The following TBL1XR1 variants were observed in gnomAD, a reference collection of about 807,000 sequenced individuals.
The protein encoded by TBL1XR1 is TBL1X/Y related 1, also known as F-box-like/WD repeat-containing protein TBL1XR1.
TBL1XR1 carries 5 observed loss-of-function variants against 66.9 expected under a neutral mutation model. That is an observed-to-expected ratio of 0.07 (90% CI 0.04 to 0.16). TBL1XR1 has a LOEUF of 0.16. Among genes scored for constraint, TBL1XR1 ranks in the 10% least tolerant of loss-of-function variants. The probability of loss-of-function intolerance (pLI) is 1.00; values close to 1 mark genes in which losing one functional copy is unlikely to be tolerated. For synonymous variants in TBL1XR1, 210 were observed against 206.0 expected (o/e 1.02, Z -0.17); for missense variants, 238 against 623.2 (o/e 0.38, Z 6.58).
At chr3:177,120,065 A>T (rs1023912541) in intron 1 of TBL1XR1, among the ~76,000 whole-genome samples, 1 of 152,208 alleles carries the variant, frequency 6.6e-6, no homozygotes. Flanking sequence ...CATCATCTCT[A>T]AACAGCAAAC....
intron 2 of TBL1XR1, among the ~76,000 whole-genome samples, chr3:177,069,444 A>G (rs1477614444): frequency 2.0e-5 from 3 of 152,096 alleles, no homozygotes; most frequent in African/African-American, 7.2e-5. Flanking sequence ...TAAAAAAAAC[A>G]GTACACCAGC....
chr3:177,148,454 G>A (rs1730499398), intron 1 of TBL1XR1, among the ~76,000 whole-genome samples: 1 of 152,168 alleles, frequency 6.6e-6, no homozygotes, highest in Non-Finnish European at 1.5e-5. Context: ...AGTGGCTCAC[G>A]CCTGTAATGC....
chr3:177,043,748 G>C (rs1162477675), intron 10 of TBL1XR1, among the ~76,000 whole-genome samples: 1 of 151,876 alleles, frequency 6.6e-6, no homozygotes, highest in Non-Finnish European at 1.5e-5. Flanking sequence ...TATCTCTTCT[G>C]TTCTTTCCCC....
At chr3:177,176,936 C>G (rs368092556) in intron 1 of TBL1XR1, among the ~76,000 whole-genome samples, 37 of 152,240 alleles carry the variant, frequency 2.4e-4, no homozygotes, top group African/African-American at 8.7e-4. Context: ...GCAGTGATCG[C>G]ACCACTTTAC....
At chr3:177,128,743 G>C (rs371602066) in intron 1 of TBL1XR1, among the ~76,000 whole-genome samples, 1 of 152,106 alleles carries the variant, frequency 6.6e-6, no homozygotes, top group African/African-American at 2.4e-5. Context: ...AAATTTCTTG[G>C]GGCATTTTCA....
At chr3:177,031,952 T>A (rs1192718521) in intron 14 of TBL1XR1, among the ~76,000 whole-genome samples, 1 of 151,860 alleles carries the variant, frequency 6.6e-6, no homozygotes, top group East Asian at 1.9e-4. Context: ...GGAAAAAACA[T>A]GATCAAACAG....
At chr3:177,098,168 C>T (rs1216658932) in intron 2 of TBL1XR1, among the ~76,000 whole-genome samples, 3 of 151,746 alleles carry the variant, frequency 2.0e-5, no homozygotes, top group African/African-American at 4.8e-5. Context: ...GCGGAGATCA[C>T]GCCATTGCAC....
At chr3:177,155,470 G>A (rs953559391) in intron 1 of TBL1XR1, among the ~76,000 whole-genome samples, 2 of 152,108 alleles carry the variant, frequency 1.3e-5, no homozygotes, top group African/African-American at 2.4e-5. Context: ...TTTGATCTAT[G>A]TTGTTCTGTA....
Position 177,034,520 on chromosome 3 carries a change from A to AC in TBL1XR1, c.1123-196_1123-195insG, listed in dbSNP as rs1714490124. Among the ~76,000 whole-genome samples, 3 of 152,126 alleles carry AC rather than the reference A, an allele frequency of 2.0e-5. 1 individual carries two copies. In the South Asian group the frequency reaches 6.2e-4, roughly 31 times the overall value. On this transcript the variant is annotated intron_variant, in intron 12 of 15. Transcript: ENST00000457928. ...TATTTACATCTCTGTTTAAAAAAAA[A>AC]AGTTAGCTTTAAGCCCTTTAAAAAT...
intron 3 of TBL1XR1, among the ~76,000 whole-genome samples, chr3:177,054,818 C>T (rs1168568896): frequency 6.6e-6 from 1 of 152,132 alleles, no homozygotes; most frequent in Non-Finnish European, 1.5e-5. Flanking sequence ...TCTCCATCAG[C>T]AATTACTTAC....
At chr3:177,088,023 C>T (rs1292458084) in intron 2 of TBL1XR1, among the ~76,000 whole-genome samples, 1 of 152,172 alleles carries the variant, frequency 6.6e-6, no homozygotes, top group Non-Finnish European at 1.5e-5. Flanking sequence ...TGTCCTTGCT[C>T]TCACACTACT....
chr3:177,067,680 A>T (rs142752671), intron 2 of TBL1XR1, among the ~76,000 whole-genome samples: 2 of 152,164 alleles, frequency 1.3e-5, no homozygotes, highest in African/African-American at 4.8e-5. Flanking sequence ...TCATAGTGCT[A>T]TATTAGTTCC....
At chr3:177,200,023 A>G (rs1737309916), upstream of TBL1XR1, among the ~76,000 whole-genome samples, 1 of 151,908 alleles carries the variant, frequency 6.6e-6, no homozygotes, top group African/African-American at 2.4e-5. Context: ...CCCAGGCTAG[A>G]GTGCAATGGC....
intron 1 of TBL1XR1, among the ~76,000 whole-genome samples, chr3:177,108,857 G>A (rs1294866101): frequency 6.6e-6 from 1 of 152,108 alleles, no homozygotes; most frequent in Non-Finnish European, 1.5e-5. Flanking sequence ...CAAATAGAAG[G>A]AAGGAAGAAA....
At chr3:177,125,802 A>G (rs1413335942) in intron 1 of TBL1XR1, among the ~76,000 whole-genome samples, 1 of 152,186 alleles carries the variant, frequency 6.6e-6, no homozygotes, top group Non-Finnish European at 1.5e-5. Flanking sequence ...AAGTAAAAAA[A>G]TTACCCTCCA....
intron 14 of TBL1XR1, among the ~76,000 whole-genome samples, chr3:177,028,867 A>G (rs954751299): frequency 6.6e-6 from 1 of 152,218 alleles, no homozygotes; most frequent in African/African-American, 2.4e-5. Context: ...AATGGAATAA[A>G]AGAGAAGGTA....
At chr3:177,155,236 G>A (rs1442784506) in intron 1 of TBL1XR1, among the ~76,000 whole-genome samples, 2 of 152,118 alleles carry the variant, frequency 1.3e-5, no homozygotes, top group Non-Finnish European at 2.9e-5. Flanking sequence ...ACAGAAAACA[G>A]ACACACAACA....
At chr3:177,036,088 A>C (rs1449379206) in intron 12 of TBL1XR1, among the ~76,000 whole-genome samples, 3 of 152,230 alleles carry the variant, frequency 2.0e-5, no homozygotes. Flanking sequence ...TGTTTAACTA[A>C]AGGTAAAGGA....
intron 1 of TBL1XR1, among the ~76,000 whole-genome samples, chr3:177,171,957 G>T (rs1156440250): frequency 4.6e-5 from 7 of 151,994 alleles, no homozygotes; most frequent in African/African-American, 7.2e-5. Flanking sequence ...TCAAGTAGTG[G>T]TAACATTAAA....
Sources: gnomAD v4.1 joint callset for allele counts (sites outside exome capture counted in the v4.1 genomes callset) on GRCh38, gnomAD v4.1.1 for gene constraint, MANE v1.5 for transcripts, NCBI Gene and HGNC (gene_info 2026-07-23, HGNC 2026-07-21) for gene names.